The following PCLO variants were observed in gnomAD, a reference collection of about 807,000 sequenced individuals.
PCLO encodes piccolo presynaptic cytomatrix protein, also known as protein piccolo.
Under a neutral mutation model 427.5 loss-of-function variants are expected in PCLO, and 82 were observed. The observed-to-expected ratio is 0.19, with a 90% CI of 0.16 to 0.23. The LOEUF is 0.23. PCLO is among the 10% of genes least tolerant of loss of function. The pLI is 1.00. For missense variants in PCLO, 6,239 were observed against 6,115.9 expected (o/e 1.02, Z -0.67); for synonymous variants, 2,357 against 2,155.4 (o/e 1.09, Z -2.59).
At chr7:82,885,539 AAACT>A (rs1793607253) in intron 9 of PCLO, among the ~76,000 whole-genome samples, 1 of 152,160 alleles carries the variant, frequency 6.6e-6, no homozygotes, top group Non-Finnish European at 1.5e-5. Context: ...CAGTGACAGA[AAACT>A]AATACAAGGA....
chr7:83,066,283 A>G (rs1379975059), intron 3 of PCLO, among the ~76,000 whole-genome samples: 1 of 152,072 alleles, frequency 6.6e-6, no homozygotes, highest in Non-Finnish European at 1.5e-5. Context: ...TGATTTGAAC[A>G]TTTATTGTAT....
At chr7:83,038,045 A>ATATATATATATATATT (rs1788861867) in intron 3 of PCLO, among the ~76,000 whole-genome samples, 1 of 35,204 alleles carries the variant, frequency 2.8e-5, no homozygotes, top group African/African-American at 2.2e-4. Flanking sequence ...ATATTTATAT[A>ATATATATATATATATT]TATATCTTTA....
At chr7:83,086,791 T>C (rs947245281) in intron 3 of PCLO, among the ~76,000 whole-genome samples, 1 of 152,104 alleles carries the variant, frequency 6.6e-6, no homozygotes, top group Non-Finnish European at 1.5e-5. Context: ...TTTATATTAG[T>C]AATAATTTGT....
intron 18 of PCLO, among the ~76,000 whole-genome samples, chr7:82,825,195 G>T (rs1791905233): frequency 6.6e-6 from 1 of 151,710 alleles, no homozygotes; most frequent in Admixed American, 6.6e-5. Context: ...TTAGTACATT[G>T]GTGCATTTTA....
At chr7:82,807,915 A>G (rs984925115) in intron 20 of PCLO, among the ~76,000 whole-genome samples, 3 of 152,040 alleles carry the variant, frequency 2.0e-5, no homozygotes, top group Non-Finnish European at 4.4e-5. Context: ...ATGTTTCTGA[A>G]TATTTTCTTT....
intron 1 of PCLO, among the ~76,000 whole-genome samples, chr7:83,162,065 C>T (rs1465223791): frequency 6.6e-6 from 1 of 152,198 alleles, no homozygotes; most frequent in Non-Finnish European, 1.5e-5. Flanking sequence ...TCTCTCCACG[C>T]CATCCTAGAG....
intron 10 of PCLO, chr7:82,868,081 A>T: frequency 2.2e-6 from 1 of 455,532 alleles, no homozygotes. Context: ...ATTTTGAGAA[A>T]TCTCATGCTA....
intron 9 of PCLO, chr7:82,880,275 G>A (rs958443174): frequency 3.8e-6 from 1 of 263,946 alleles, no homozygotes; most frequent in Non-Finnish European, 7.9e-6. Flanking sequence ...TGCATATATG[G>A]CTCATCACTG....
At chr7:83,034,207 TTTTTG>T (rs377173102) in intron 3 of PCLO, among the ~76,000 whole-genome samples, 40 of 152,264 alleles carry the variant, frequency 2.6e-4, no homozygotes, top group Middle Eastern at 6.8e-3. Context: ...TTTTATTCCT[TTTTTG>T]TTTTGTTTTG....
At chr7:83,000,500 A>G (rs1004379115) in intron 3 of PCLO, among the ~76,000 whole-genome samples, 5 of 151,860 alleles carry the variant, frequency 3.3e-5, no homozygotes, top group Admixed American at 1.3e-4. Context: ...ATGCAAGACA[A>G]TTTTTTCCAT....
chr7:82,978,852 AC>A (rs1289439155), intron 3 of PCLO, among the ~76,000 whole-genome samples: 2,482 of 96,788 alleles, frequency 0.026, 73 homozygotes, highest in African/African-American at 0.094. Context: ...ACACACACAC[AC>A]ACAAACACAC....
chr7:83,136,580 T>C lies in PCLO; in HGVS notation c.1894-924A>G, dbSNP rs570773711. On this transcript the variant is annotated intron_variant, in intron 2 of 24. Transcript: ENST00000333891. ...ACAATGCTGAGTTAGAAATAGGATA[T>C]TCTCTGTTAACAAAGTAAATAAAAA... 5.3e-5 allele frequency among the ~76,000 whole-genome samples: 8 copies of C among 152,302 alleles called. No homozygotes were observed. In the East Asian group the frequency reaches 1.3e-3, roughly 26 times the overall value.
intron 9 of PCLO, among the ~76,000 whole-genome samples, chr7:82,889,193 G>A (rs1377014492): frequency 1.3e-5 from 2 of 152,046 alleles, no homozygotes; most frequent in African/African-American, 2.4e-5. Flanking sequence ...TCTGTGTCAT[G>A]TGTGGTGTCC....
chr7:83,045,857 A>C (rs562478698), intron 3 of PCLO, among the ~76,000 whole-genome samples: 143 of 152,190 alleles, frequency 9.4e-4, no homozygotes, highest in African/African-American at 3.2e-3. Context: ...TTAATGTTAC[A>C]ACACTTAGAT....
chr7:82,854,415 CAT>C (rs1399728581), intron 10 of PCLO, among the ~76,000 whole-genome samples: 1 of 151,996 alleles, frequency 6.6e-6, no homozygotes, highest in Non-Finnish European at 1.5e-5. Flanking sequence ...ACTTAAAAAA[CAT>C]GTGATACGTC....
At position 82,953,687 on chromosome 7, in the gene PCLO, AG is replaced by A. The variant is rs1262793592; in HGVS notation, c.7265del (p.Pro2422LeufsTer22). The A allele has an allele frequency of 4.1e-6, 2 of 486,142 alleles. No individual in the cohort carries two copies. The highest frequency in any genetic ancestry group is 6.4e-6 in the Non-Finnish European group (2 of 313,080). The allele number at this position is 486,142 out of a possible 1,614,324, so 30.1% of individuals were successfully genotyped here. On this transcript the variant is annotated frameshift_variant, in exon 5 of 25. Transcript: ENST00000333891. LOFTEE classifies it high-confidence loss of function. Reference protein sequence around the residue: ...PPPPPPPPPPPPPPPLPPPTS... With the variant: ...PPPPPPPPPPXPPPPLPPPTS... The stretch of plus-strand genomic sequence containing the variant: ...TTGGTGGAGGAAGTGGTGGGGGAGG[AG>A]GGGGTGGTGGTGGAGGAGGAGGAGG...
chr7:83,027,222 GA>G (rs1289216727), intron 3 of PCLO, among the ~76,000 whole-genome samples: 3 of 141,470 alleles, frequency 2.1e-5, no homozygotes, highest in African/African-American at 5.1e-5. Context: ...GACTAATAAA[GA>G]AAAAAAGAGA....
chr7:82,879,158 A>G (rs1562833051), intron 10 of PCLO, among the ~76,000 whole-genome samples, 179 bp downstream of exon 10: 1 of 152,224 alleles, frequency 6.6e-6, no homozygotes, highest in Non-Finnish European at 1.5e-5. Flanking sequence ...AATTGAAAAT[A>G]AAATGAATAT....
intron 6 of PCLO, among the ~76,000 whole-genome samples, chr7:82,920,788 T>C (rs376142238): frequency 5.9e-5 from 9 of 151,796 alleles, no homozygotes; most frequent in Admixed American, 1.3e-4. Context: ...CTTAAATATA[T>C]GTATGTGCAT....
Sources: gnomAD v4.1 joint callset for allele counts (sites outside exome capture counted in the v4.1 genomes callset) on GRCh38, gnomAD v4.1.1 for gene constraint, MANE v1.5 for transcripts, NCBI Gene and HGNC (gene_info 2026-07-23, HGNC 2026-07-21) for gene names.